NECTIN2: variants seen among roughly 807,000 people sequenced by gnomAD.
The protein encoded by NECTIN2 is nectin cell adhesion molecule 2, also known as nectin-2.
NECTIN2 carries 23 observed loss-of-function variants against 56.9 expected under a neutral mutation model. That is an observed-to-expected ratio of 0.40 (90% CI 0.29 to 0.57). NECTIN2 has a LOEUF of 0.57. Among genes scored for constraint, NECTIN2 ranks in the 20% least tolerant of loss-of-function variants. The pLI is 0.38. For synonymous variants in NECTIN2, 302 were observed against 313.8 expected, an observed-to-expected ratio of 0.96 and a Z score of 0.40; for missense variants, 587 against 718.3, an observed-to-expected ratio of 0.82 and a Z score of 2.09.
At position 44,865,160 on chromosome 19, in the gene NECTIN2, T is replaced by C; in HGVS notation, c.89-111T>C. On this transcript the variant is annotated intron_variant, in intron 1 of 8. Transcript: ENST00000252483. This position sits in a 1 kb window ranked among gnomAD's most constrained non-coding sequence, Gnocchi z 5.2. ...TCAGGATGCTGCGAAGCTGCCTACG[T>C]TGCATGCGGAGCCTGCATTTCCCGT... 1 of 1,200,728 alleles carries C rather than the reference T, an allele frequency of 8.3e-7. No homozygotes were observed. The highest frequency in any genetic ancestry group is 1.2e-6 in the Non-Finnish European group (1 of 854,814). 74.4% of individuals were successfully genotyped at this position (1,200,728 alleles called of 1,614,324 possible). A position where few individuals can be genotyped will look rare whatever the true frequency, so the allele number is the denominator to read the frequency against.
chr19:44,879,935 T>C (rs1023003205), intron 5 of NECTIN2, among the ~76,000 whole-genome samples: 3 of 152,122 alleles, frequency 2.0e-5, no homozygotes, highest in African/African-American at 7.2e-5. Flanking sequence ...ACCACAAGAA[T>C]AGCAGCAGTA....
At chr19:44,857,780 T>G (rs1297223535) in intron 1 of NECTIN2, among the ~76,000 whole-genome samples, 3 of 149,448 alleles carry the variant, frequency 2.0e-5, no homozygotes, top group Non-Finnish European at 4.4e-5. Context: ...TGGCCTCAAG[T>G]GATCCTCCAC....
chr19:44,855,356 C>T (rs1394745154), intron 1 of NECTIN2, among the ~76,000 whole-genome samples: 4 of 151,470 alleles, frequency 2.6e-5, no homozygotes, highest in Admixed American at 6.6e-5. Flanking sequence ...ACCTGGGAGG[C>T]GGAGGTTGCA....
At chr19:44,879,906 G>A (rs374386718) in intron 5 of NECTIN2, among the ~76,000 whole-genome samples, 4 of 152,300 alleles carry the variant, frequency 2.6e-5, no homozygotes, top group African/African-American at 7.2e-5. Context: ...GCCGTCCTCC[G>A]GTGTGCACGG....
intron 1 of NECTIN2, among the ~76,000 whole-genome samples, chr19:44,864,595 C>T (rs963496456): frequency 3.3e-5 from 5 of 152,042 alleles, no homozygotes; most frequent in Admixed American, 1.3e-4. Context: ...CTGAGGCAAG[C>T]GGATCACGAG....
intron 1 of NECTIN2, among the ~76,000 whole-genome samples, chr19:44,852,042 C>T (rs1968905358): frequency 6.6e-6 from 1 of 152,150 alleles, no homozygotes; most frequent in Non-Finnish European, 1.5e-5. Context: ...ATCCTCCGTC[C>T]CCACAGCCCC....
At chr19:44,883,436 G>A (rs903599359) in intron 6 of NECTIN2, among the ~76,000 whole-genome samples, 5 of 152,022 alleles carry the variant, frequency 3.3e-5, no homozygotes, top group East Asian at 3.9e-4. Context: ...CACCACGCCC[G>A]GCTAATTTTT....
intron 6 of NECTIN2, 141 bp downstream of exon 6, chr19:44,882,505 T>A: frequency 1.4e-6 from 1 of 732,492 alleles, no homozygotes; most frequent in Non-Finnish European, 1.9e-6. Flanking sequence ...CTAAATGGAG[T>A]AGGGAGGTAT....
intron 1 of NECTIN2, among the ~76,000 whole-genome samples, chr19:44,858,117 T>C (rs1020477678): frequency 6.6e-6 from 1 of 152,166 alleles, no homozygotes; most frequent in African/African-American, 2.4e-5. Context: ...CTGGGCCTGA[T>C]ACATTTCGCA....
chr19:44,868,381 A>G (rs1467308715), intron 2 of NECTIN2, among the ~76,000 whole-genome samples: 1 of 150,392 alleles, frequency 6.6e-6, no homozygotes, highest in African/African-American at 2.4e-5. Flanking sequence ...TAGGACTCCC[A>G]GCGGGAAGGT....
chr19:44,857,702 T>C (rs1218485428), intron 1 of NECTIN2, among the ~76,000 whole-genome samples: 2 of 135,010 alleles, frequency 1.5e-5, no homozygotes, highest in South Asian at 2.2e-4. Flanking sequence ...GTGCCGGGTT[T>C]TTGTTTTTGT....
intron 1 of NECTIN2, among the ~76,000 whole-genome samples, chr19:44,847,154 G>C (rs1238255577): frequency 6.6e-6 from 1 of 152,172 alleles, no homozygotes; most frequent in Non-Finnish European, 1.5e-5. Flanking sequence ...GGGTCCCTTG[G>C]AGGGCTAAGG....
At chr19:44,884,434 C>T (rs1274676020) in intron 6 of NECTIN2, among the ~76,000 whole-genome samples, 1 of 152,152 alleles carries the variant, frequency 6.6e-6, no homozygotes, top group African/African-American at 2.4e-5. Context: ...GGATTACAGG[C>T]GTGAGCCACC....
At chr19:44,859,410 G>A (rs377702) in intron 1 of NECTIN2, among the ~76,000 whole-genome samples, 51,127 of 152,032 alleles carry the variant, frequency 0.34, 9,385 homozygotes, top group Non-Finnish European at 0.39. Flanking sequence ...AGGTTAAGTG[G>A]CCTGCACAAG....
At position 44,856,098 on chromosome 19, in the gene NECTIN2, C is replaced by T. The variant is rs531245243; in HGVS notation, c.89-9173C>T. On this transcript the variant is annotated intron_variant, in intron 1 of 8. Coordinates refer to ENST00000252483, the MANE Select transcript of NECTIN2 (RefSeq NM_001042724.2). ...GGCAGATCACCTGAGGTCGGGAGTTCGAGGCCAGCCTGGCCAAGATGGTGA... is the reference window on the plus strand; with the variant it reads ...GGCAGATCACCTGAGGTCGGGAGTTTGAGGCCAGCCTGGCCAAGATGGTGA... 1.7e-4 allele frequency among the ~76,000 whole-genome samples: 26 copies of T among 152,200 alleles called. No homozygotes were observed. The East Asian group carries it at 3.7e-3, about 21-fold the overall frequency.
At chr19:44,864,288 C>T (rs1270460899) in intron 1 of NECTIN2, among the ~76,000 whole-genome samples, 1 of 151,842 alleles carries the variant, frequency 6.6e-6, no homozygotes, top group Non-Finnish European at 1.5e-5. Flanking sequence ...TGCACTCTAG[C>T]CTGGGTGAAA....
At chr19:44,878,428 A>G in intron 5 of NECTIN2, 1 of 1,583,148 alleles carries the variant, frequency 6.3e-7, no homozygotes, top group South Asian at 1.1e-5. Flanking sequence ...AGGTGTTGGG[A>G]AATGGGGACC....
chr19:44,857,377 G>T (rs922074939), intron 1 of NECTIN2, among the ~76,000 whole-genome samples: 5 of 151,870 alleles, frequency 3.3e-5, no homozygotes, highest in Non-Finnish European at 7.4e-5. Flanking sequence ...TAGTAGCTGG[G>T]ACTACAGGCC....
chr19:44,846,620 C>G lies in NECTIN2; in HGVS notation c.88+7C>G. 6.6e-7 allele frequency: 1 copy of G among 1,524,472 alleles called. No individual in the cohort carries two copies. The highest frequency in any genetic ancestry group is 8.8e-7 in the Non-Finnish European group (1 of 1,142,444). 94.4% of individuals were successfully genotyped at this position (1,524,472 alleles called of 1,614,324 possible). A position where few individuals can be genotyped will look rare whatever the true frequency, so the allele number is the denominator to read the frequency against. On this transcript the variant is annotated splice_region_variant and intron_variant, in intron 1 of 8. Transcript: ENST00000252483. Reference sequence around the variant, plus strand: ...CTGCTGCTCCTGGAAACCGGTGAGACGAGCGGACGGCCCCCTGCCCTCGCG... The same window carrying G: ...CTGCTGCTCCTGGAAACCGGTGAGAGGAGCGGACGGCCCCCTGCCCTCGCG...
Sources: gnomAD v4.1 joint callset for allele counts (sites outside exome capture counted in the v4.1 genomes callset) on GRCh38, gnomAD v4.1.1 for gene constraint, Gnocchi (gnomAD v3.1) non-coding constraint, MANE v1.5 for transcripts, NCBI Gene and HGNC (gene_info 2026-07-23, HGNC 2026-07-21) for gene names.